USP50: variants seen among roughly 807,000 people sequenced by gnomAD.
USP50 encodes ubiquitin carboxyl-terminal hydrolase 50.
Under a neutral mutation model 39.2 loss-of-function variants are expected in USP50, and 37 were observed. The observed-to-expected ratio is 0.94, with a 90% CI of 0.73 to 1.24. The LOEUF (loss-of-function observed/expected upper bound fraction) is 1.24. Ranked by LOEUF, USP50 falls within the 50% of genes most tolerant of loss-of-function variation. USP50 has a pLI of 0.00. For missense variants in USP50, 374 were observed against 398.2 expected, an observed-to-expected ratio of 0.94 and a Z score of 0.52; for synonymous variants, 139 against 144.5, an observed-to-expected ratio of 0.96 and a Z score of 0.27.
intron 5 of USP50, among the ~76,000 whole-genome samples, chr15:50,535,819 G>T (rs1269244967): frequency 6.6e-6 from 1 of 152,056 alleles, no homozygotes; most frequent in African/African-American, 2.4e-5. Context: ...TGCAAAGCTG[G>T]TCCTACATTG....
At chr15:50,506,480 C>G (rs1046709878) in intron 6 of USP50, 1 of 152,136 alleles carries the variant, frequency 6.6e-6, no homozygotes, top group Admixed American at 6.6e-5. Context: ...GGAAAAAAAC[C>G]GCATCAGTGG....
At chr15:50,495,164 G>A (rs1370670818) in intron 1 of USP50, among the ~76,000 whole-genome samples, 1 of 150,570 alleles carries the variant, frequency 6.6e-6, no homozygotes, top group East Asian at 1.9e-4. Context: ...CATATTTTGG[G>A]GTCACCATTC....
At chr15:50,536,578 C>T (rs1425361182) in intron 5 of USP50, among the ~76,000 whole-genome samples, 1 of 151,998 alleles carries the variant, frequency 6.6e-6, no homozygotes, top group Non-Finnish European at 1.5e-5. Flanking sequence ...GAGGCAGAGA[C>T]TGCAGTGAGC....
At chr15:50,545,723 G>A (rs980792070) in intron 1 of USP50, among the ~76,000 whole-genome samples, 42 of 151,804 alleles carry the variant, frequency 2.8e-4, no homozygotes, top group African/African-American at 1.0e-3. Flanking sequence ...ACACGGAGAG[G>A]AGAAAGAGCA....
downstream of USP50, chr15:50,499,247 CAAAT>C: frequency 3.6e-6 from 2 of 561,356 alleles, no homozygotes; most frequent in Non-Finnish European, 5.5e-6. Flanking sequence ...TCAGTGCTGA[CAAAT>C]AACATTTAAC....
At chr15:50,508,621 G>C (rs1387179480) in intron 6 of USP50, 2 of 152,142 alleles carry the variant, frequency 1.3e-5, no homozygotes, top group Non-Finnish European at 2.9e-5. Context: ...AACACTGTAA[G>C]AGGAATAACC....
At chr15:50,543,845 C>A (rs376175424) in intron 2 of USP50, 52 bp from the exon 3 acceptor site, 358 of 1,524,880 alleles carry the variant, frequency 2.3e-4, no homozygotes, top group Non-Finnish European at 3.0e-4. Flanking sequence ...AAAGAAGGCA[C>A]CTAATCACCC....
At chr15:50,502,787 C>G (rs2052609974) in intron 6 of USP50, 1 of 152,340 alleles carries the variant, frequency 6.6e-6, no homozygotes, top group Non-Finnish European at 1.5e-5. Context: ...CATACACCAC[C>G]ATGTCCAGAA....
At chr15:50,523,601 G>A (rs958263815) in intron 6 of USP50, among the ~76,000 whole-genome samples, 1 of 152,142 alleles carries the variant, frequency 6.6e-6, no homozygotes, top group African/African-American at 2.4e-5. Context: ...GAAAGATACT[G>A]AAGACTATAC....
At chr15:50,515,311 G>C (rs897846111) in intron 6 of USP50, among the ~76,000 whole-genome samples, 1 of 152,018 alleles carries the variant, frequency 6.6e-6, no homozygotes, top group African/African-American at 2.4e-5. Flanking sequence ...GCGCGATCTC[G>C]GCTCACTGCA....
intron 6 of USP50, chr15:50,510,501 T>C (rs1285626438): frequency 1.3e-5 from 2 of 152,130 alleles, no homozygotes; most frequent in African/African-American, 4.8e-5. Flanking sequence ...ACAATTGATA[T>C]TTGAATATGA....
intron 6 of USP50, chr15:50,513,168 A>G (rs2052759758): frequency 6.6e-6 from 1 of 152,216 alleles, no homozygotes; most frequent in Non-Finnish European, 1.5e-5. Context: ...AGAAAGTTAA[A>G]TATGCACATA....
At chr15:50,495,666 G>A (rs2141326348), downstream of USP50, among the ~76,000 whole-genome samples, 1 of 152,220 alleles carries the variant, frequency 6.6e-6, no homozygotes, top group African/African-American at 2.4e-5. Flanking sequence ...AATAAAGTGA[G>A]TGAGTTTTTT....
At chr15:50,539,098 G>GT (rs200122894) in intron 4 of USP50, among the ~76,000 whole-genome samples, 6 of 145,174 alleles carry the variant, frequency 4.1e-5, no homozygotes, top group East Asian at 2.2e-4. Flanking sequence ...CTAGAAATCA[G>GT]TTTTTTTTGG....
chr15:50,543,492 T>TG, intron 3 of USP50, 106 bp downstream of exon 3: 2 of 1,142,508 alleles, frequency 1.8e-6, no homozygotes, highest in South Asian at 2.9e-5. Context: ...GCACAGTGCT[T>TG]GGCACAAAGT....
At chr15:50,497,800 TTTGAG>T (rs1382657819), downstream of USP50, 2 of 152,152 alleles carry the variant, frequency 1.3e-5, no homozygotes, top group African/African-American at 4.8e-5. Context: ...ACTCAAGAAC[TTTGAG>T]TTGATTATTT....
chr15:50,499,387 T>C (rs1000384895), downstream of USP50: 6 of 194,598 alleles, frequency 3.1e-5, no homozygotes, highest in Non-Finnish European at 5.6e-5. Flanking sequence ...ACTATTGTTA[T>C]CTTTTTTTTT....
downstream of USP50, chr15:50,499,174 G>A (rs2052525708): frequency 1.5e-6 from 2 of 1,367,836 alleles, no homozygotes. Context: ...GGTAGCTATA[G>A]CTGGCCATTT....
At chr15:50,521,366 A>T (rs1008885001) in intron 6 of USP50, among the ~76,000 whole-genome samples, 2 of 152,212 alleles carry the variant, frequency 1.3e-5, no homozygotes, top group African/African-American at 4.8e-5. Context: ...TGATCAGTAC[A>T]TATTGTATAC....
Sources: allele counts gnomAD v4.1 joint callset (sites outside exome capture counted in the v4.1 genomes callset), GRCh38; gene constraint gnomAD v4.1.1; transcripts MANE v1.5; gene names NCBI Gene and HGNC (gene_info 2026-07-23, HGNC 2026-07-21).